Variants in HGD observed in about 807,000 individuals in gnomAD.
HGD encodes homogentisate 1,2-dioxygenase, also known as homogentisate oxidase.
Under a neutral mutation model 60.8 loss-of-function variants are expected in HGD, and 61 were observed. That is an observed-to-expected ratio of 1.00 (90% CI 0.82 to 1.24). The LOEUF is 1.24. Ranked by LOEUF, HGD falls within the 50% of genes most tolerant of loss-of-function variation. HGD has a pLI of 0.00. For missense variants in HGD, 542 were observed against 547.1 expected, an observed-to-expected ratio of 0.99 and a Z score of 0.09; for synonymous variants, 212 against 187.7, an observed-to-expected ratio of 1.13 and a Z score of -1.06.
intron 12 of HGD, among the ~76,000 whole-genome samples, chr3:120,636,336 A>G (rs945210302): frequency 6.6e-5 from 10 of 152,064 alleles, no homozygotes; most frequent in Admixed American, 6.6e-5. Context: ...TAAAAATGCA[A>G]ATTCTTAGGT....
chr3:120,671,073 G>T (rs755235112), intron 3 of HGD, among the ~76,000 whole-genome samples: 7 of 152,182 alleles, frequency 4.6e-5, no homozygotes, highest in Non-Finnish European at 8.8e-5. Context: ...AGTCCTGAAA[G>T]GTAAATGGCA....
chr3:120,640,957 C>A (rs1332060753), intron 11 of HGD, among the ~76,000 whole-genome samples: 1 of 152,164 alleles, frequency 6.6e-6, no homozygotes, highest in Non-Finnish European at 1.5e-5. Context: ...CCCGGGGTCT[C>A]AGAACCACCA....
chr3:120,677,465 A>G (rs980441681), intron 1 of HGD, among the ~76,000 whole-genome samples: 1 of 152,174 alleles, frequency 6.6e-6, no homozygotes, highest in Non-Finnish European at 1.5e-5. Context: ...AATAGACCCC[A>G]GTCTCCCACA....
intron 11 of HGD, among the ~76,000 whole-genome samples, chr3:120,639,230 T>G (rs998075013): frequency 9.2e-5 from 14 of 152,116 alleles, no homozygotes; most frequent in African/African-American, 3.4e-4. Context: ...TAGTCTCCAG[T>G]GTCTATTTTT....
intron 12 of HGD, among the ~76,000 whole-genome samples, chr3:120,637,986 C>T (rs1441582305): frequency 6.6e-6 from 1 of 152,110 alleles, no homozygotes; most frequent in Non-Finnish European, 1.5e-5. Context: ...GGCTTGGTGC[C>T]ATCATGACGG....
At position 120,641,941 on chromosome 3, in the gene HGD, A is replaced by G. The variant is rs1363118455; in HGVS notation, c.775-248T>C. 4 of 519,886 alleles carry G rather than the reference A, an allele frequency of 7.7e-6. No individual in the cohort carries two copies. In the Admixed American group the frequency reaches 9.3e-5, roughly 12 times the overall value. 32.2% of individuals were successfully genotyped at this position (519,886 alleles called of 1,614,324 possible). On this transcript the variant is annotated intron_variant, in intron 10 of 13. Transcript: ENST00000283871. ...GCTGCCTTCTGATCACACATGCAGC[A>G]GAAACACAGCACATTCTCCAAGTAG...
chr3:120,628,299 C>T lies in HGD; in HGVS notation c.*81G>A. On this transcript the variant is annotated 3_prime_UTR_variant, in exon 14 of 14. Coordinates refer to ENST00000283871, the MANE Select transcript of HGD (RefSeq NM_000187.4). The stretch of plus-strand genomic sequence containing the variant: ...GAATTTTCATTTTAACCAACCCCCT[C>T]CTCCAATACTACCAGAAAGCATGAG... 2 of 1,472,068 alleles carry T rather than the reference C, an allele frequency of 1.4e-6. No individual in the cohort carries two copies. Among genetic ancestry groups the T allele is most frequent in the Middle Eastern group, 2.2e-4 (1 of 4,500 alleles). 91.2% of individuals were successfully genotyped at this position (1,472,068 alleles called of 1,614,324 possible). A position where few individuals can be genotyped will look rare whatever the true frequency, so the allele number is the denominator to read the frequency against.
intron 4 of HGD, among the ~76,000 whole-genome samples, chr3:120,660,409 A>G (rs896805220): frequency 6.6e-6 from 1 of 152,230 alleles, no homozygotes; most frequent in African/African-American, 2.4e-5. Flanking sequence ...AAGTTTGAGG[A>G]AAAAAAGGTA....
At chr3:120,640,570 A>T (rs1031374175) in intron 11 of HGD, among the ~76,000 whole-genome samples, 1 of 152,234 alleles carries the variant, frequency 6.6e-6, no homozygotes. Flanking sequence ...AATACAGAGA[A>T]GATCGCATCT....
Position 120,638,685 on chromosome 3 carries a change from A to AT in HGD, c.880-105dup, listed in dbSNP as rs1182324286. The AT allele has an allele frequency of 4.3e-5, 57 of 1,324,322 alleles. No homozygotes were observed. In the South Asian group the frequency reaches 6.6e-4, roughly 15 times the overall value. The allele number at this position is 1,324,322 out of a possible 1,614,324, so 82.0% of individuals were successfully genotyped here. A position where few individuals can be genotyped will look rare whatever the true frequency, so the allele number is the denominator to read the frequency against. ...GAAGGTGTTTGCAAGTGACATTCTA[A>AT]TTTTTTTATTTATTTTTATTCAACT... On this transcript the variant is annotated intron_variant, in intron 11 of 13. Coordinates refer to ENST00000283871, the MANE Select transcript of HGD (RefSeq NM_000187.4).
At chr3:120,633,684 C>A in intron 12 of HGD, 1 of 1,052,544 alleles carries the variant, frequency 9.5e-7, no homozygotes, top group Non-Finnish European at 1.3e-6. Context: ...CTTACGAGCC[C>A]TGTATCAAAG....
chr3:120,629,350 A>C (rs1396704615), intron 13 of HGD, among the ~76,000 whole-genome samples: 1 of 152,176 alleles, frequency 6.6e-6, no homozygotes, highest in East Asian at 1.9e-4. Context: ...AGACAGGCAA[A>C]AGGAAAATAA....
At chr3:120,669,735 C>G (rs1260862679) in intron 4 of HGD, among the ~76,000 whole-genome samples, 2 of 152,176 alleles carry the variant, frequency 1.3e-5, no homozygotes, top group African/African-American at 4.8e-5. Context: ...CATAAATCGT[C>G]TTCTACTAGT....
At chr3:120,637,948 G>C (rs1025204672) in intron 12 of HGD, among the ~76,000 whole-genome samples, 1 of 152,164 alleles carries the variant, frequency 6.6e-6, no homozygotes, top group Non-Finnish European at 1.5e-5. Flanking sequence ...TGAGGTGTTT[G>C]GGTAATGGAG....
intron 4 of HGD, among the ~76,000 whole-genome samples, chr3:120,656,566 G>C (rs973338693): frequency 4.6e-5 from 7 of 151,188 alleles, no homozygotes; most frequent in African/African-American, 1.7e-4. Flanking sequence ...TTTTTTTTGG[G>C]GGGGGGTTGG....
intron 4 of HGD, 97 bp downstream of exon 4, chr3:120,670,330 A>C (rs1374019489): frequency 2.6e-6 from 2 of 776,182 alleles, no homozygotes; most frequent in East Asian, 2.5e-5. Flanking sequence ...ACTTTAAAAA[A>C]CTATCTATTT....
chr3:120,656,670 G>A (rs1329212818), intron 4 of HGD, among the ~76,000 whole-genome samples: 2 of 152,102 alleles, frequency 1.3e-5, no homozygotes, highest in Non-Finnish European at 2.9e-5. Flanking sequence ...TACTGCCTCA[G>A]CCTCCTGAGT....
intron 1 of HGD, among the ~76,000 whole-genome samples, chr3:120,680,409 A>G (rs540632071): frequency 1.3e-5 from 2 of 152,366 alleles, no homozygotes; most frequent in South Asian, 4.1e-4. Flanking sequence ...GACAGCAGGC[A>G]GGGAAGAATG....
chr3:120,659,039 G>T (rs543003688), intron 4 of HGD, among the ~76,000 whole-genome samples: 1 of 152,176 alleles, frequency 6.6e-6, no homozygotes, highest in Non-Finnish European at 1.5e-5. Context: ...TGCCCCAAAG[G>T]TCTGTGAAAT....
Sources: gnomAD v4.1 joint callset for allele counts (sites outside exome capture counted in the v4.1 genomes callset) on GRCh38, gnomAD v4.1.1 for gene constraint, MANE v1.5 for transcripts, NCBI Gene and HGNC (gene_info 2026-07-23, HGNC 2026-07-21) for gene names.